PCDHGB1: variants seen among roughly 807,000 people sequenced by gnomAD.
PCDHGB1 encodes protocadherin gamma-B1.
Under a neutral mutation model 56.6 loss-of-function variants are expected in PCDHGB1, and 34 were observed. That is an observed-to-expected ratio of 0.60 (90% CI 0.46 to 0.80). The LOEUF (loss-of-function observed/expected upper bound fraction) is 0.80, where lower values mean the gene tolerates loss of function less well. Among genes scored for constraint, PCDHGB1 ranks in the 30% least tolerant of loss-of-function variants. PCDHGB1 has a pLI of 0.00. For synonymous variants in PCDHGB1, 561 were observed against 505.9 expected, an observed-to-expected ratio of 1.11 and a Z score of -1.46; for missense variants, 1,278 against 1,204.6, an observed-to-expected ratio of 1.06 and a Z score of -0.90.
chr5:141,363,318 A>C (rs1762874223), intron 1 of PCDHGB1, among the ~76,000 whole-genome samples: 1 of 152,190 alleles, frequency 6.6e-6, no homozygotes, highest in Admixed American at 6.5e-5. Flanking sequence ...GTTTTCTATG[A>C]AAGTGTTATT....
At chr5:141,446,039 A>G (rs1349676116) in intron 1 of PCDHGB1, among the ~76,000 whole-genome samples, 1 of 152,180 alleles carries the variant, frequency 6.6e-6, no homozygotes, top group African/African-American at 2.4e-5. Context: ...TAAGAAATGG[A>G]AGAAGAGCTG....
chr5:141,505,345 G>A (rs776607130), intron 2 of PCDHGB1, 48 bp from the exon 3 acceptor site: 13 of 1,613,086 alleles, frequency 8.1e-6, no homozygotes, highest in Non-Finnish European at 1.1e-5. Flanking sequence ...AGGGGCATGA[G>A]CTGTGCCGGC....
chr5:141,376,347 A>T (rs1218451115), intron 1 of PCDHGB1: 1 of 1,614,056 alleles, frequency 6.2e-7, no homozygotes. Context: ...ACCTATTCCC[A>T]CGAGGTCTCA....
chr5:141,469,128 T>C (rs567164869), intron 1 of PCDHGB1, among the ~76,000 whole-genome samples: 1 of 151,692 alleles, frequency 6.6e-6, no homozygotes, highest in East Asian at 1.9e-4. Context: ...ATTTAAAAAT[T>C]AGCCAGAAAT....
chr5:141,488,807 C>G (rs2099679535), intron 1 of PCDHGB1, among the ~76,000 whole-genome samples: 1 of 152,170 alleles, frequency 6.6e-6, no homozygotes, highest in Non-Finnish European at 1.5e-5. Flanking sequence ...TGAGTACCAT[C>G]TGAGCTGTCA....
At chr5:141,462,542 T>C (rs910054469) in intron 1 of PCDHGB1, among the ~76,000 whole-genome samples, 1 of 152,222 alleles carries the variant, frequency 6.6e-6, no homozygotes, top group Non-Finnish European at 1.5e-5. Flanking sequence ...AGTGATCTTT[T>C]CTTCTTCAGT....
intron 1 of PCDHGB1, chr5:141,419,430 A>T: frequency 1.2e-6 from 2 of 1,613,318 alleles, no homozygotes; most frequent in Non-Finnish European, 1.7e-6. Flanking sequence ...GACCACGAGC[A>T]GCTGCGCACC....
At chr5:141,387,829 G>A (rs2091112194) in intron 1 of PCDHGB1, 1 of 1,591,650 alleles carries the variant, frequency 6.3e-7, no homozygotes, top group African/African-American at 1.3e-5. Flanking sequence ...CAATACAGAG[G>A]TTATTTGTAA....
intron 1 of PCDHGB1, chr5:141,392,953 A>T: frequency 6.2e-7 from 1 of 1,613,924 alleles, no homozygotes; most frequent in Non-Finnish European, 8.5e-7. Context: ...TTCGTGGGTA[A>T]TATCTCCAAG....
At chr5:141,403,120 C>G (rs2094357495) in intron 1 of PCDHGB1, 3 of 1,614,050 alleles carry the variant, frequency 1.9e-6, no homozygotes, top group South Asian at 2.2e-5. Context: ...CTCTGGAGCC[C>G]CGGGAGCTGG....
intron 1 of PCDHGB1, chr5:141,409,242 T>C (rs372196346): frequency 1.4e-5 from 22 of 1,613,864 alleles, no homozygotes; most frequent in Middle Eastern, 1.6e-4. Context: ...AGCCCAGAAA[T>C]AATCATCACT....
intron 1 of PCDHGB1, chr5:141,361,092 C>A: frequency 1.2e-6 from 2 of 1,613,938 alleles, no homozygotes; most frequent in Non-Finnish European, 1.7e-6. Context: ...CTCTGAGTAT[C>A]GAAGCAAAAG....
In PCDHGB1 at chr5:141,400,210, A is replaced by C. The variant is rs201102949; in HGVS notation, c.2409+47541A>C. 1.2e-3 allele frequency: 1,976 copies of C among 1,613,732 alleles called. 4 individuals are homozygous for C. The highest frequency in any genetic ancestry group is 1.6e-3 in the Non-Finnish European group (1,832 of 1,179,862). ...TTACCTAGTGGTGGCCTTGGCCTTG[A>C]TCTCAGTGCTCTTCCTCCTGGCCGT... On this transcript the variant is annotated intron_variant, in intron 1 of 3. Coordinates refer to ENST00000523390, the MANE Select transcript of PCDHGB1 (RefSeq NM_018922.3).
At chr5:141,409,507 T>C (rs1220086382) in intron 1 of PCDHGB1, 3 of 1,613,982 alleles carry the variant, frequency 1.9e-6, no homozygotes, top group South Asian at 1.1e-5. Flanking sequence ...TTTCTTCCAG[T>C]AGAAGCATCA....
intron 1 of PCDHGB1, 102 bp from the exon 2 acceptor site, chr5:141,494,705 G>A (rs2099756254): frequency 1.3e-6 from 2 of 1,597,990 alleles, no homozygotes; most frequent in East Asian, 2.2e-5. Context: ...TTTCTTCTCT[G>A]TGCCCACTCC....
chr5:141,421,102 T>G, intron 1 of PCDHGB1: 1 of 691,404 alleles, frequency 1.4e-6, no homozygotes, highest in Non-Finnish European at 2.4e-6. Flanking sequence ...CACTGGAGAC[T>G]TAGAAGTATT....
chr5:141,426,806 T>C (rs1390972821), intron 1 of PCDHGB1: 1 of 456,600 alleles, frequency 2.2e-6, no homozygotes, highest in Non-Finnish European at 4.4e-6. Context: ...TCAGTTCTAA[T>C]GAACATTTCT....
intron 1 of PCDHGB1, chr5:141,427,874 G>A: frequency 1.3e-6 from 2 of 1,560,274 alleles, no homozygotes; most frequent in South Asian, 2.2e-5. Flanking sequence ...AGCTCACGAT[G>A]CAGGCCCACG....
Position 141,486,912 on chromosome 5 carries a change from T to C in PCDHGB1, c.2410-7895T>C. The stretch of plus-strand genomic sequence containing the variant: ...CCTGGTTCCTTATGTCCCCAAGCAC[T>C]GCCTCCATCAGTTGGTGCTGGCCAC... On this transcript the variant is annotated intron_variant, in intron 1 of 3. Coordinates refer to ENST00000523390, the MANE Select transcript of PCDHGB1 (RefSeq NM_018922.3). This position sits in a 1 kb window ranked among gnomAD's most constrained non-coding sequence, Gnocchi z 5.0. The C allele has an allele frequency of 1.2e-6, 2 of 1,614,246 alleles. No homozygotes were observed. Among genetic ancestry groups the C allele is most frequent in the Non-Finnish European group, 1.7e-6 (2 of 1,180,040 alleles).
Sources: gnomAD v4.1 joint callset for allele counts (sites outside exome capture counted in the v4.1 genomes callset) on GRCh38, gnomAD v4.1.1 for gene constraint, Gnocchi (gnomAD v3.1) non-coding constraint, MANE v1.5 for transcripts, NCBI Gene and HGNC (gene_info 2026-07-23, HGNC 2026-07-21) for gene names.